The following DICER1 variants were observed in gnomAD, a reference collection of about 807,000 sequenced individuals.
The protein encoded by DICER1 is dicer 1, ribonuclease III, also known as endoribonuclease Dicer.
DICER1 carries 43 observed loss-of-function variants against 194.1 expected under a neutral mutation model. The observed-to-expected ratio is 0.22, with a 90% CI of 0.17 to 0.29. The LOEUF (loss-of-function observed/expected upper bound fraction) is 0.29, where lower values mean the gene tolerates loss of function less well. Among genes scored for constraint, DICER1 ranks in the 10% least tolerant of loss-of-function variants. DICER1 has a pLI of 1.00. For missense variants in DICER1, 1,608 were observed against 2,317.0 expected, an observed-to-expected ratio of 0.69 and a Z score of 6.28; for synonymous variants, 832 against 820.5, an observed-to-expected ratio of 1.01 and a Z score of -0.24.
chr14:95,103,840 T>C lies in DICER1; in HGVS notation c.3556A>G (p.Asn1186Asp), dbSNP rs1891143081. The C allele has an allele frequency of 6.2e-7, 1 of 1,614,196 alleles. No individual in the cohort carries two copies. The highest frequency in any genetic ancestry group is 8.5e-7 in the Non-Finnish European group (1 of 1,180,036). The change falls in exon 21 of 27, where the codon AAT (asparagine) becomes GAT (aspartate). Residue 1186 changes from asparagine to aspartate, a missense_variant. By Grantham distance (23) the Asn-to-Asp change is conservative. Around this residue, in one of 10 missense-constraint regions of DICER1, gnomAD observed 222 missense variants for 215.5 expected, o/e 1.03. Coordinates refer to ENST00000343455, the MANE Select transcript of DICER1 (RefSeq NM_177438.3). ...NGLSYNQNLANGSYDLANRDF... is the reference protein window; with the variant it reads ...NGLSYNQNLADGSYDLANRDF... ...CTGTTAGCTAAATCATAACTGCCAT[T>C]GGCGAGATTTTGATTGTAAGAAAGA...
intron 14 of DICER1, 68 bp from the exon 15 acceptor site, chr14:95,108,571 G>A (rs1595382911): frequency 7.1e-7 from 1 of 1,399,978 alleles, no homozygotes; most frequent in Non-Finnish European, 1.0e-6. Flanking sequence ...ATGTCAGCAA[G>A]AAAACAAATT....
Position 95,090,250 on chromosome 14 carries a change from CA to C in DICER1, c.*247del, listed in dbSNP as rs1284766371. 2 of 525,536 alleles carry C rather than the reference CA, an allele frequency of 3.8e-6. No homozygotes were observed. Among genetic ancestry groups the C allele is most frequent in the Non-Finnish European group, 6.8e-6 (2 of 294,148 alleles). 32.6% of individuals were successfully genotyped at this position (525,536 alleles called of 1,614,324 possible). ...CATTAAAGCACTCTTGTGATTTAAA[CA>C]AAGCAGAAGTGAGGAAAGAAGATAA... On this transcript the variant is annotated 3_prime_UTR_variant, in exon 27 of 27. Coordinates refer to ENST00000343455, the MANE Select transcript of DICER1 (RefSeq NM_177438.3).
At chr14:95,094,251 T>C (rs1464393755) in intron 23 of DICER1, 95 bp from the exon 24 acceptor site, 1 of 1,453,880 alleles carries the variant, frequency 6.9e-7, no homozygotes, top group African/African-American at 1.4e-5. Flanking sequence ...AAGATTTGTA[T>C]TTACAATCAT....
chr14:95,114,405 AG>A (rs1404489869), intron 11 of DICER1, among the ~76,000 whole-genome samples: 1 of 152,244 alleles, frequency 6.6e-6, no homozygotes, highest in Non-Finnish European at 1.5e-5. Context: ...TAAATAAAAC[AG>A]GAGTCCATAA....
rs141993450 is a variant in DICER1, at chr14:95,123,392, T to C, written c.1376+804A>G. Among the ~76,000 whole-genome samples the C allele has an allele frequency of 1.1e-4, 17 of 152,232 alleles. No individual in the cohort carries two copies. In the East Asian group the frequency reaches 3.3e-3, roughly 29 times the overall value. On this transcript the variant is annotated intron_variant, in intron 8 of 26. Transcript: ENST00000343455. ...GTCTATGAACCAACCCAAAATAAAT[T>C]CAATTGTTCTAAACTTTTTGCACTG... is the stretch of plus-strand genomic sequence containing the variant.
At chr14:95,111,714 A>G (rs1352609906) in intron 13 of DICER1, among the ~76,000 whole-genome samples, 4 of 152,022 alleles carry the variant, frequency 2.6e-5, no homozygotes, top group Admixed American at 2.6e-4. Context: ...ACATCACCAC[A>G]TATCAATGCT....
In DICER1 at chr14:95,146,083, T is replaced by C. The variant is rs1268704608; in HGVS notation, c.-46+11147A>G. ...AGTTTATAATGAACAAAAATGCTTATGTTGAGAGCAGCAGCAGGCAGACAA... is the reference window on the plus strand; with the variant it reads ...AGTTTATAATGAACAAAAATGCTTACGTTGAGAGCAGCAGCAGGCAGACAA... On this transcript the variant is annotated intron_variant, in intron 1 of 26. Transcript: ENST00000343455. Among the ~76,000 whole-genome samples, 4 of 152,322 alleles carry C rather than the reference T, an allele frequency of 2.6e-5. No homozygotes were observed. In the East Asian group the frequency reaches 5.8e-4, roughly 22 times the overall value.
chr14:95,114,516 T>C (rs531867773), intron 11 of DICER1, among the ~76,000 whole-genome samples: 1 of 152,250 alleles, frequency 6.6e-6, no homozygotes, highest in South Asian at 2.1e-4. Context: ...ATAATGGAGT[T>C]AGAAAATCAT....
Position 95,116,697 on chromosome 14 carries a change from T to TG in DICER1, c.1510-3dup. 1 of 1,611,058 alleles carries TG rather than the reference T, an allele frequency of 6.2e-7. No individual in the cohort carries two copies. The stretch of plus-strand genomic sequence containing the variant: ...ATGTGCTCGAAATTTCCTAAGTACC[T>TG]GAAAAAAAAAATCCACCAAGAAAAG... On this transcript the variant is annotated splice_region_variant and splice_polypyrimidine_tract_variant and intron_variant, in intron 9 of 26. Transcript: ENST00000343455.
rs377272036 is a variant in DICER1, at chr14:95,103,931, C to A, written c.3465G>T (p.Thr1155=). 1 of 1,614,054 alleles carries A rather than the reference C, an allele frequency of 6.2e-7. No individual in the cohort carries two copies. The highest frequency in any genetic ancestry group is 1.7e-5 in the Admixed American group (1 of 60,008). The part of the protein sequence containing the change: ...NHDQMSVNCR[T]LLSESPGKLH... ...GCTTACCAGGGGACTCGCTGAGCAA[C>A]GTTCTGCAGTTCACAGACATTTGGT... The change falls in exon 21 of 27, where the codon ACG becomes ACT. Residue 1155 remains threonine, a synonymous_variant. Coordinates refer to ENST00000343455, the MANE Select transcript of DICER1 (RefSeq NM_177438.3).
At chr14:95,138,994 T>TAAAAAAAAAA (rs67050539) in intron 1 of DICER1, among the ~76,000 whole-genome samples, 2 of 135,962 alleles carry the variant, frequency 1.5e-5, no homozygotes, top group Non-Finnish European at 3.2e-5. Flanking sequence ...AATAAAAAAA[T>TAAAAAAAAAA]AAAAAAAAAA....
intron 1 of DICER1, among the ~76,000 whole-genome samples, chr14:95,154,560 C>G (rs942838193): frequency 1.3e-5 from 2 of 152,182 alleles, no homozygotes; most frequent in Non-Finnish European, 2.9e-5. Flanking sequence ...TAAATCATCA[C>G]AGATGAGCCG....
intron 1 of DICER1, among the ~76,000 whole-genome samples, chr14:95,142,315 ACAGGTGTGAGCC>A (rs1355051439): frequency 6.6e-6 from 1 of 152,130 alleles, no homozygotes; most frequent in Non-Finnish European, 1.5e-5. Context: ...ACTGCAGATT[ACAGGTGTGAGCC>A]ACTGCAACCA....
At chr14:95,122,973 G>GAAAGAA (rs1566799938) in intron 8 of DICER1, among the ~76,000 whole-genome samples, 1 of 115,348 alleles carries the variant, frequency 8.7e-6, no homozygotes, top group African/African-American at 3.7e-5. Context: ...GAAAGAAAAA[G>GAAAGAA]AAAAAAAAAA....
chr14:95,140,249 T>C (rs1894741915), intron 1 of DICER1, among the ~76,000 whole-genome samples: 1 of 152,188 alleles, frequency 6.6e-6, no homozygotes, highest in South Asian at 2.1e-4. Context: ...AATACAGTCA[T>C]GCACCCAATA....
Position 95,088,999 on chromosome 14 carries a change from T to TGACCCACA in DICER1, c.*1491_*1498dup. On this transcript the variant is annotated 3_prime_UTR_variant, in exon 27 of 27. Coordinates refer to ENST00000343455, the MANE Select transcript of DICER1 (RefSeq NM_177438.3). ...TGGTATGTTGATGGGAGTGCAAGAC[T>TGACCCACA]GACCCACAGCTTTTAAAAAGGTAAA... The TGACCCACA allele has an allele frequency of 4.3e-6, 1 of 233,096 alleles. No homozygotes were observed. Among genetic ancestry groups the TGACCCACA allele is most frequent in the Non-Finnish European group, 8.5e-6 (1 of 118,010 alleles). 14.4% of individuals were successfully genotyped at this position (233,096 alleles called of 1,614,324 possible). A position where few individuals can be genotyped will look rare whatever the true frequency, so the allele number is the denominator to read the frequency against.
At chr14:95,096,743 G>T in intron 22 of DICER1, 30 bp from the exon 23 acceptor site, 1 of 1,569,966 alleles carries the variant, frequency 6.4e-7, no homozygotes, top group Non-Finnish European at 8.6e-7. Context: ...GGAAGGAGGG[G>T]AAACATAGCT....
At chr14:95,098,372 G>A (rs1890555424) in intron 22 of DICER1, among the ~76,000 whole-genome samples, 1 of 152,174 alleles carries the variant, frequency 6.6e-6, no homozygotes, top group South Asian at 2.1e-4. Flanking sequence ...GAGCAAGGTA[G>A]GGAGAATGGC....
In DICER1 at chr14:95,103,766, G is replaced by A. The variant is rs774727760; in HGVS notation, c.3630C>T (p.Pro1210=). 13 of 1,614,138 alleles carry A rather than the reference G, an allele frequency of 8.1e-6. No individual in the cohort carries two copies. Among genetic ancestry groups the A allele is most frequent in the Middle Eastern group, 1.6e-4 (1 of 6,062 alleles). ...NQLNYYKQEI[P]VQPTTSYSIQ... is the part of the protein sequence containing the mutation. ...TGGAATATGAGGTAGTTGGTTGCAC[G>A]GGTATTTCCTGCTTGTAGTAATTTA... The change falls in exon 21 of 27, where the codon CCC becomes CCT. Residue 1210 remains proline (P), a synonymous_variant. Coordinates refer to ENST00000343455, the MANE Select transcript of DICER1 (RefSeq NM_177438.3).
Sources: gnomAD v4.1 joint callset for allele counts (sites outside exome capture counted in the v4.1 genomes callset) on GRCh38, gnomAD v4.1.1 for gene constraint, gnomAD v4.1.1 regional missense constraint, MANE v1.5 for transcripts, NCBI Gene and HGNC (gene_info 2026-07-23, HGNC 2026-07-21) for gene names.